Variants in FHIP1A observed in about 807,000 individuals in gnomAD.
The protein encoded by FHIP1A is FHF complex subunit HOOK-interacting protein 1A.
Under a neutral mutation model 88.6 loss-of-function variants are expected in FHIP1A, and 61 were observed. The observed-to-expected ratio is 0.69, with a 90% CI of 0.56 to 0.85. The LOEUF is 0.85. FHIP1A is among the 40% of genes least tolerant of loss of function. FHIP1A has a pLI of 0.00. For synonymous variants in FHIP1A, 478 were observed against 496.0 expected (o/e 0.96, Z 0.48); for missense variants, 1,154 against 1,273.5 (o/e 0.91, Z 1.43).
intron 3 of FHIP1A, among the ~76,000 whole-genome samples, chr4:151,507,925 G>C (rs932769977): frequency 2.0e-5 from 3 of 152,194 alleles, no homozygotes; most frequent in Admixed American, 2.0e-4. Flanking sequence ...CTGGAAGCTT[G>C]AGTAGTACTG....
chr4:151,426,964 A>AT (rs1242257152), intron 1 of FHIP1A, among the ~76,000 whole-genome samples: 4 of 152,126 alleles, frequency 2.6e-5, no homozygotes, highest in Non-Finnish European at 4.4e-5. Context: ...AGAGCACAGC[A>AT]TTTTTTTTAA....
intron 7 of FHIP1A, among the ~76,000 whole-genome samples, chr4:151,618,043 G>T (rs144556859): frequency 6.6e-6 from 1 of 152,186 alleles, no homozygotes; most frequent in Non-Finnish European, 1.5e-5. Flanking sequence ...CATCAAATGA[G>T]CTTTATCTGC....
At chr4:151,488,747 CT>C (rs1730173101) in intron 3 of FHIP1A, among the ~76,000 whole-genome samples, 1 of 152,220 alleles carries the variant, frequency 6.6e-6, no homozygotes, top group East Asian at 1.9e-4. Flanking sequence ...TCAGTTACCT[CT>C]TTTAGACCGT....
intron 4 of FHIP1A, among the ~76,000 whole-genome samples, chr4:151,574,714 CTAAT>C (rs954910711): frequency 1.3e-5 from 2 of 152,060 alleles, no homozygotes; most frequent in African/African-American, 2.4e-5. Context: ...GAAGGAATAA[CTAAT>C]TAACCTTAAA....
intron 3 of FHIP1A, among the ~76,000 whole-genome samples, chr4:151,516,780 A>G (rs566761187): frequency 1.6e-4 from 24 of 151,888 alleles, no homozygotes; most frequent in East Asian, 7.7e-4. Flanking sequence ...TAGAATGGCA[A>G]TCATTCAAAA....
intron 3 of FHIP1A, among the ~76,000 whole-genome samples, chr4:151,560,519 G>A (rs1250065244): frequency 6.6e-6 from 1 of 152,098 alleles, no homozygotes; most frequent in African/African-American, 2.4e-5. Flanking sequence ...CGCCTTTCAA[G>A]TTCTACCCTA....
At chr4:151,525,443 A>T (rs1731594586) in intron 3 of FHIP1A, among the ~76,000 whole-genome samples, 1 of 152,244 alleles carries the variant, frequency 6.6e-6, no homozygotes, top group Admixed American at 6.5e-5. Context: ...TGGGAGGTAG[A>T]GCAGCCAGGC....
intron 5 of FHIP1A, among the ~76,000 whole-genome samples, chr4:151,581,878 T>TTACTA (rs1269664662): frequency 6.6e-6 from 1 of 152,222 alleles, no homozygotes; most frequent in East Asian, 1.9e-4. Context: ...ACTGTTATAG[T>TTACTA]TGATAGGAAG....
intron 3 of FHIP1A, among the ~76,000 whole-genome samples, chr4:151,552,568 T>A (rs548020992): frequency 6.6e-6 from 1 of 152,066 alleles, no homozygotes; most frequent in South Asian, 2.1e-4. Context: ...GAGCAAACTA[T>A]CACAAGGATA....
At chr4:151,561,091 T>C (rs1733154996) in intron 3 of FHIP1A, among the ~76,000 whole-genome samples, 1 of 152,180 alleles carries the variant, frequency 6.6e-6, no homozygotes, top group Non-Finnish European at 1.5e-5. Context: ...TAGGATTGTT[T>C]CGTGGGATTA....
At chr4:151,450,819 C>G (rs956170308) in intron 1 of FHIP1A, among the ~76,000 whole-genome samples, 3 of 151,990 alleles carry the variant, frequency 2.0e-5, no homozygotes, top group African/African-American at 7.3e-5. Context: ...GCTCTGTCCC[C>G]CAGGCTGGAG....
intron 9 of FHIP1A, among the ~76,000 whole-genome samples, chr4:151,642,704 G>T (rs1736633308): frequency 6.6e-6 from 1 of 151,966 alleles, no homozygotes; most frequent in Non-Finnish European, 1.5e-5. Flanking sequence ...GTGTAGCATA[G>T]GGCAATATGT....
intron 3 of FHIP1A, among the ~76,000 whole-genome samples, chr4:151,486,255 C>G (rs143612936): frequency 6.6e-6 from 1 of 152,282 alleles, no homozygotes; most frequent in African/African-American, 2.4e-5. Context: ...GGACCCCCTG[C>G]TCTAGGTGAT....
intron 7 of FHIP1A, among the ~76,000 whole-genome samples, chr4:151,604,055 C>T (rs985506913): frequency 4.6e-5 from 7 of 152,150 alleles, no homozygotes; most frequent in South Asian, 2.1e-4. Context: ...GCCCTGACTC[C>T]GTACCATTCT....
intron 7 of FHIP1A, among the ~76,000 whole-genome samples, chr4:151,602,773 G>C (rs1734923645): frequency 2.0e-5 from 3 of 152,142 alleles, no homozygotes; most frequent in African/African-American, 7.2e-5. Context: ...CGCTTAGTGT[G>C]GACTGGCATT....
At chr4:151,607,302 TA>T (rs1735110882) in intron 7 of FHIP1A, among the ~76,000 whole-genome samples, 1 of 152,154 alleles carries the variant, frequency 6.6e-6, no homozygotes, top group Non-Finnish European at 1.5e-5. Flanking sequence ...ACGAGGTAAT[TA>T]AAAGGCCCAG....
chr4:151,418,948 A>G (rs557901826), intron 1 of FHIP1A, among the ~76,000 whole-genome samples: 5 of 152,054 alleles, frequency 3.3e-5, no homozygotes, highest in Non-Finnish European at 7.4e-5. Flanking sequence ...TCCATAGTCA[A>G]TTGATTTTCC....
chr4:151,660,285 G>T (rs1442837285), intron 13 of FHIP1A, among the ~76,000 whole-genome samples: 2 of 152,216 alleles, frequency 1.3e-5, no homozygotes, highest in Non-Finnish European at 2.9e-5. Context: ...GCCTTCATTA[G>T]TGAAGACAGT....
intron 7 of FHIP1A, among the ~76,000 whole-genome samples, chr4:151,620,644 A>G (rs987905577): frequency 6.6e-6 from 1 of 152,204 alleles, no homozygotes; most frequent in African/African-American, 2.4e-5. Flanking sequence ...CAGGTCCTAC[A>G]GAGTCTCCTC....
Sources: allele counts gnomAD v4.1 joint callset (sites outside exome capture counted in the v4.1 genomes callset), GRCh38; gene constraint gnomAD v4.1.1; transcripts MANE v1.5; gene names NCBI Gene and HGNC (gene_info 2026-07-23, HGNC 2026-07-21).